The following MOB3B variants were observed in gnomAD, a reference collection of about 807,000 sequenced individuals.
MOB3B encodes the protein MOB kinase activator 3B.
Under a neutral mutation model 18.7 loss-of-function variants are expected in MOB3B, and 7 were observed. That is an observed-to-expected ratio of 0.37 (90% confidence interval 0.21 to 0.70). The LOEUF (loss-of-function observed/expected upper bound fraction) is 0.70, where lower values mean the gene tolerates loss of function less well. Among genes scored for constraint, MOB3B ranks in the 30% least tolerant of loss-of-function variants. The pLI is 0.52. For missense variants in MOB3B, 253 were observed against 281.3 expected (o/e 0.90, Z 0.72); for synonymous variants, 111 against 99.9 (o/e 1.11, Z -0.66).
chr9:27,482,183 A>G (rs1369011723), intron 1 of MOB3B, among the ~76,000 whole-genome samples: 1 of 152,210 alleles, frequency 6.6e-6, no homozygotes, highest in Non-Finnish European at 1.5e-5. Context: ...CCACCCTGTA[A>G]TTTCCGCCCT....
chr9:27,455,417 T>C lies in MOB3B; in HGVS notation c.134A>G (p.Lys45Arg). ...CCCACTGGGCAACTGCACAGCCGCC[T>C]TCAGGTCCACACCCGAGTTGAGGGA... is the stretch of plus-strand genomic sequence containing the variant. The part of the protein sequence containing the change: ...QASLNSGVDL[K>R]AAVQLPSGED... The change falls in exon 2 of 4, where the codon AAG becomes AGG. Residue 45 changes from lysine (K) to arginine (R), a missense_variant. By Grantham distance (26) the Lys-to-Arg change is conservative. Transcript: ENST00000262244. 2 of 1,614,202 alleles carry C rather than the reference T, an allele frequency of 1.2e-6. No homozygotes were observed. Among genetic ancestry groups the C allele is most frequent in the South Asian group, 1.1e-5 (1 of 91,084 alleles).
chr9:27,510,930 C>T (rs1330231861), intron 1 of MOB3B, among the ~76,000 whole-genome samples: 1 of 152,172 alleles, frequency 6.6e-6, no homozygotes, highest in Non-Finnish European at 1.5e-5. Context: ...GCCTTTTCCT[C>T]CTTTTGCCAC....
chr9:27,391,408 TA>T (rs1821725673), intron 2 of MOB3B, among the ~76,000 whole-genome samples: 1 of 152,204 alleles, frequency 6.6e-6, no homozygotes. Flanking sequence ...CTTTTTAAGT[TA>T]TTTTTGTGTC....
intron 2 of MOB3B, among the ~76,000 whole-genome samples, chr9:27,365,360 TTC>T (rs1223041555): frequency 7.5e-6 from 1 of 133,046 alleles, no homozygotes; most frequent in Non-Finnish European, 1.6e-5. Flanking sequence ...ATCTTCCTTC[TTC>T]TCTTTTTTTT....
chr9:27,424,663 C>G (rs964523289), intron 2 of MOB3B, among the ~76,000 whole-genome samples: 2 of 152,164 alleles, frequency 1.3e-5, no homozygotes, highest in Admixed American at 6.5e-5. Context: ...GCAGACTCTA[C>G]AAAGGGCAAA....
intron 1 of MOB3B, among the ~76,000 whole-genome samples, chr9:27,457,877 T>C (rs1819205023): frequency 6.6e-6 from 1 of 152,142 alleles, no homozygotes; most frequent in African/African-American, 2.4e-5. Context: ...AGGGAAAGAA[T>C]GGAGTGATCT....
Position 27,455,406 on chromosome 9 carries a change from G to T in MOB3B, c.145C>A (p.Gln49Lys). Residue 49 changes from glutamine to lysine, a missense_variant, in exon 2 of 4, where the codon CAG becomes AAG. By Grantham distance (53) the Gln-to-Lys change is moderately conservative. Transcript: ENST00000262244. ...TTCTGGTCCTCCCCACTGGGCAACT[G>T]CACAGCCGCCTTCAGGTCCACACCC... Reference protein sequence around the residue: ...NSGVDLKAAVQLPSGEDQNDW... With the variant: ...NSGVDLKAAVKLPSGEDQNDW... The T allele has an allele frequency of 6.2e-7, 1 of 1,614,156 alleles. No individual in the cohort carries two copies. The highest frequency in any genetic ancestry group is 1.3e-5 in the African/African-American group (1 of 75,042).
At chr9:27,423,605 T>C (rs1427358053) in intron 2 of MOB3B, among the ~76,000 whole-genome samples, 1 of 152,204 alleles carries the variant, frequency 6.6e-6, no homozygotes, top group Admixed American at 6.5e-5. Flanking sequence ...TCTGCTAATC[T>C]CTTTAGAAAG....
chr9:27,385,117 G>A (rs970290434), intron 2 of MOB3B, among the ~76,000 whole-genome samples: 1 of 152,188 alleles, frequency 6.6e-6, no homozygotes, highest in Admixed American at 6.5e-5. Context: ...GGAAGGCAAG[G>A]GGATGAGGAG....
intron 2 of MOB3B, among the ~76,000 whole-genome samples, chr9:27,408,744 G>A (rs774627785): frequency 5.9e-5 from 9 of 152,098 alleles, no homozygotes; most frequent in South Asian, 2.1e-4. Context: ...GCCCCCCAGC[G>A]TTATTGCCAG....
chr9:27,494,163 C>T (rs1027546126), intron 1 of MOB3B, among the ~76,000 whole-genome samples: 1 of 152,058 alleles, frequency 6.6e-6, no homozygotes, highest in Non-Finnish European at 1.5e-5. Flanking sequence ...TTGGTCAGAC[C>T]GGTTGATCTC....
At chr9:27,435,848 G>C (rs1262192489) in intron 2 of MOB3B, among the ~76,000 whole-genome samples, 1 of 152,100 alleles carries the variant, frequency 6.6e-6, no homozygotes, top group Non-Finnish European at 1.5e-5. Flanking sequence ...TGATCCACCT[G>C]ACTTGGCCTC....
At chr9:27,372,252 G>T (rs537567645) in intron 2 of MOB3B, among the ~76,000 whole-genome samples, 1 of 152,182 alleles carries the variant, frequency 6.6e-6, no homozygotes, top group Non-Finnish European at 1.5e-5. Context: ...CTCCGGAATG[G>T]CCCAAACTGG....
chr9:27,495,891 G>A (rs1819890569), intron 1 of MOB3B, among the ~76,000 whole-genome samples: 1 of 152,138 alleles, frequency 6.6e-6, no homozygotes, highest in South Asian at 2.1e-4. Context: ...GAAAGACCCA[G>A]AACTCCCTTT....
intron 1 of MOB3B, among the ~76,000 whole-genome samples, chr9:27,467,007 T>G (rs528940237): frequency 6.6e-6 from 1 of 152,190 alleles, no homozygotes; most frequent in Non-Finnish European, 1.5e-5. Flanking sequence ...AGCTAGATGA[T>G]TTCTCATTTT....
chr9:27,411,075 A>G (rs994759994), intron 2 of MOB3B, among the ~76,000 whole-genome samples: 1 of 152,238 alleles, frequency 6.6e-6, no homozygotes, highest in Non-Finnish European at 1.5e-5. Context: ...TTGTTCATAT[A>G]TGCATAGAAT....
At chr9:27,402,467 C>T (rs553590238) in intron 2 of MOB3B, among the ~76,000 whole-genome samples, 2 of 152,282 alleles carry the variant, frequency 1.3e-5, no homozygotes, top group East Asian at 1.9e-4. Context: ...GTACTGCCTA[C>T]ATCTGGGGAC....
At chr9:27,441,196 T>G (rs993851466) in intron 2 of MOB3B, among the ~76,000 whole-genome samples, 5 of 152,234 alleles carry the variant, frequency 3.3e-5, no homozygotes, top group African/African-American at 1.2e-4. Flanking sequence ...GCACTTACCA[T>G]GCACTGTGGC....
At chr9:27,337,598 C>A (rs894459183) in intron 3 of MOB3B, among the ~76,000 whole-genome samples, 2 of 152,208 alleles carry the variant, frequency 1.3e-5, no homozygotes, top group Non-Finnish European at 2.9e-5. Context: ...TCCCTCTGGA[C>A]TGGGTAGTTT....
Sources: gnomAD v4.1 joint callset for allele counts (sites outside exome capture counted in the v4.1 genomes callset) on GRCh38, gnomAD v4.1.1 for gene constraint, MANE v1.5 for transcripts, NCBI Gene and HGNC (gene_info 2026-07-23, HGNC 2026-07-21) for gene names.